Variants in MMP24 observed in about 807,000 individuals in gnomAD.
The protein encoded by MMP24 is matrix metallopeptidase 24.
MMP24 carries 25 observed loss-of-function variants against 62.8 expected under a neutral mutation model. That is an observed-to-expected ratio of 0.40 (90% CI 0.29 to 0.56). The LOEUF (loss-of-function observed/expected upper bound fraction) is 0.56. Ranked by LOEUF, MMP24 falls within the 20% of genes least tolerant of loss-of-function variation. MMP24 has a pLI of 0.50. For synonymous variants in MMP24, 319 were observed against 350.5 expected (o/e 0.91, Z 1.00); for missense variants, 634 against 853.6 (o/e 0.74, Z 3.21).
chr20:35,252,142 C>A, intron 3 of MMP24, 121 bp downstream of exon 3: 1 of 773,582 alleles, frequency 1.3e-6, no homozygotes, highest in Non-Finnish European at 2.2e-6. Context: ...CAACATAGGC[C>A]AAGAGCCAGG....
chr20:35,228,098 T>C (rs1034573861), intron 1 of MMP24, among the ~76,000 whole-genome samples: 2 of 152,222 alleles, frequency 1.3e-5, no homozygotes, highest in African/African-American at 2.4e-5. Flanking sequence ...AGTATATTTG[T>C]TGAAGCAGGC....
At chr20:35,258,197 A>G (rs1052219848) in intron 4 of MMP24, among the ~76,000 whole-genome samples, 2 of 152,200 alleles carry the variant, frequency 1.3e-5, no homozygotes, top group Non-Finnish European at 2.9e-5. Context: ...AGAAAATCTC[A>G]GGCATTCTAA....
intron 1 of MMP24, among the ~76,000 whole-genome samples, chr20:35,242,660 G>A (rs2060494629): frequency 6.6e-6 from 1 of 152,214 alleles, no homozygotes; most frequent in East Asian, 1.9e-4. Flanking sequence ...GAGTGAGAAG[G>A]TGAAGGGTAT....
chr20:35,246,113 G>A (rs1051748365), intron 1 of MMP24, among the ~76,000 whole-genome samples: 1 of 151,872 alleles, frequency 6.6e-6, no homozygotes, highest in African/African-American at 2.4e-5. Context: ...AGACACGGTG[G>A]ATTTCTGGGT....
At chr20:35,254,883 G>C (rs150052933) in intron 4 of MMP24, 129 bp downstream of exon 4, 1 of 1,062,724 alleles carries the variant, frequency 9.4e-7, no homozygotes, top group Non-Finnish European at 1.3e-6. Flanking sequence ...GTAAGAGGGT[G>C]GGAACTGTGA....
Position 35,226,799 on chromosome 20 carries a change from G to A in MMP24, c.61G>A (p.Gly21Ser). The change falls in exon 1 of 9, where the codon GGC (glycine) becomes AGC (serine). Residue 21 changes from glycine (G) to serine (S), a missense_variant. By Grantham distance (56) the Gly-to-Ser change is moderately conservative. This residue lies in a region of MMP24 where 212 missense variants were observed against 259.6 expected (regional missense o/e 0.82). Coordinates refer to ENST00000246186, the MANE Select transcript of MMP24 (RefSeq NM_006690.4). Reference protein sequence around the residue: ...PGPPPPPPPPGQAPRWSRWRV... With the variant: ...PGPPPPPPPPSQAPRWSRWRV... ...GCCGCCGCCGCCGCCGCCGCCGCCGGGCCAGGCCCCGCGCTGGAGCCGCTG... is the reference window on the plus strand; with the variant it reads ...GCCGCCGCCGCCGCCGCCGCCGCCGAGCCAGGCCCCGCGCTGGAGCCGCTG... 1 of 967,944 alleles carries A rather than the reference G, an allele frequency of 1.0e-6. No homozygotes were observed. Among genetic ancestry groups the A allele is most frequent in the Non-Finnish European group, 1.2e-6 (1 of 818,676 alleles). 60.0% of individuals were successfully genotyped at this position (967,944 alleles called of 1,614,324 possible).
chr20:35,263,919 C>G lies in MMP24; in HGVS notation c.946C>G (p.Gln316Glu). The change falls in exon 5 of 9, where the codon CAG becomes GAG. Residue 316 changes from glutamine (Q) to glutamate (E), a missense_variant. Gln to Glu is a conservative substitution (Grantham distance 29). Transcript: ENST00000246186. ...GGAGACGCACAACTTCAAGCTGCCC[C>G]AGGACGATCTCCAGGGCATCCAGAA... is the stretch of plus-strand genomic sequence containing the variant. ...YMETHNFKLP[Q>E]DDLQGIQKIY... The G allele has an allele frequency of 3.7e-6, 6 of 1,612,204 alleles. No individual in the cohort carries two copies. The highest frequency in any genetic ancestry group is 4.2e-6 in the Non-Finnish European group (5 of 1,179,104).
At position 35,267,239 on chromosome 20, in the gene MMP24, A is replaced by C. The variant is rs1368634160; in HGVS notation, c.1014A>C (p.Pro338=). Residue 338 remains proline, a synonymous_variant, in exon 6 of 9, where the codon CCA becomes CCC. Transcript: ENST00000246186. The part of the protein sequence containing the change: ...PPAEPLEPTR[P]LPTLPVRRIH... ...CCGAGCCTCTGGAGCCCACAAGGCCACTCCCTACACTCCCCGTCCGCAGGA... is the reference window on the plus strand; with the variant it reads ...CCGAGCCTCTGGAGCCCACAAGGCCCCTCCCTACACTCCCCGTCCGCAGGA... 1 of 1,602,848 alleles carries C rather than the reference A, an allele frequency of 6.2e-7. No homozygotes were observed. The highest frequency in any genetic ancestry group is 8.5e-7 in the Non-Finnish European group (1 of 1,175,500).
At chr20:35,229,920 C>T (rs1031348726) in intron 1 of MMP24, among the ~76,000 whole-genome samples, 12 of 152,190 alleles carry the variant, frequency 7.9e-5, no homozygotes, top group Admixed American at 3.9e-4. Flanking sequence ...TTTCTTCTCT[C>T]TTCTCCAGGA....
intron 6 of MMP24, 133 bp downstream of exon 6, chr20:35,267,552 G>A: frequency 1.1e-6 from 1 of 922,902 alleles, no homozygotes; most frequent in Admixed American, 2.6e-5. Context: ...TAGCCCAGTG[G>A]CCAGGGCATG....
At chr20:35,260,311 C>A (rs2060595753) in intron 4 of MMP24, among the ~76,000 whole-genome samples, 1 of 152,250 alleles carries the variant, frequency 6.6e-6, no homozygotes, top group Non-Finnish European at 1.5e-5. Context: ...AACCACAGGC[C>A]TCTTTCCTTT....
At chr20:35,268,713 C>T (rs1240357082) in intron 6 of MMP24, among the ~76,000 whole-genome samples, 1 of 152,182 alleles carries the variant, frequency 6.6e-6, no homozygotes, top group Non-Finnish European at 1.5e-5. Flanking sequence ...TTTTATCATC[C>T]CCATTTACAC....
rs542295042 is a variant in MMP24, at chr20:35,234,950, GTAAGGGTTGTTGTGTCATGC to G, written c.246+7970_246+7989del. ...TGGAAAGGTGCATTGGCATCACATT[GTAAGGGTTGTTGTGTCATGC>G]TAAAGAATCTGGACTTTAAGACTGG... On this transcript the variant is annotated intron_variant, in intron 1 of 8. Transcript: ENST00000246186. Among the ~76,000 whole-genome samples the G allele has an allele frequency of 8.5e-5, 13 of 152,330 alleles. No individual in the cohort carries two copies. The East Asian group carries it at 2.5e-3, about 29-fold the overall frequency.
intron 2 of MMP24, among the ~76,000 whole-genome samples, chr20:35,250,430 C>T (rs1381084570): frequency 2.0e-5 from 3 of 151,814 alleles, no homozygotes; most frequent in Admixed American, 6.6e-5. Flanking sequence ...CGTGGTGGTG[C>T]GCGCCTGTAA....
intron 2 of MMP24, among the ~76,000 whole-genome samples, chr20:35,249,945 T>C (rs1023711738): frequency 6.6e-6 from 1 of 151,986 alleles, no homozygotes; most frequent in African/African-American, 2.4e-5. Flanking sequence ...ATCAAACTTT[T>C]TTATTTTATT....
In MMP24 at chr20:35,242,791, C is replaced by T. The variant is rs150784106; in HGVS notation, c.247-4049C>T. ...TCACCCAAGAGAAAGAAGACTTGAC[C>T]GCAAAAGATGAACTGCCCTCCATAG... On this transcript the variant is annotated intron_variant, in intron 1 of 8. Coordinates refer to ENST00000246186, the MANE Select transcript of MMP24 (RefSeq NM_006690.4). Among the ~76,000 whole-genome samples, 1,132 of 152,242 alleles carry T rather than the reference C, an allele frequency of 7.4e-3. 11 individuals are homozygous for T. The highest frequency in any genetic ancestry group is 0.026 in the African/African-American group (1,078 of 41,536).
intron 1 of MMP24, among the ~76,000 whole-genome samples, chr20:35,239,809 A>C (rs1271210918): frequency 6.6e-6 from 1 of 152,162 alleles, no homozygotes; most frequent in African/African-American, 2.4e-5. Context: ...TCAAAAAAAA[A>C]CCAACCAAAC....
chr20:35,237,012 G>C lies in MMP24; in HGVS notation c.247-9828G>C, dbSNP rs567226737. Among the ~76,000 whole-genome samples the C allele has an allele frequency of 2.0e-5, 3 of 151,846 alleles. No individual in the cohort carries two copies. In the South Asian group the frequency reaches 6.2e-4, roughly 32 times the overall value. ...AAAAAAAAATCACTAAGAGCAAGTT[G>C]GTGGGGGAGCTGGGAATGGAGCCAA... On this transcript the variant is annotated intron_variant, in intron 1 of 8. Coordinates refer to ENST00000246186, the MANE Select transcript of MMP24 (RefSeq NM_006690.4).
rs1260377683 is a variant in MMP24 at position 35,269,717 on chromosome 20, A to G, written c.1195-43A>G. 6.4e-7 allele frequency: 1 copy of G among 1,553,804 alleles called. No homozygotes were observed. The highest frequency in any genetic ancestry group is 8.7e-7 in the Non-Finnish European group (1 of 1,148,810). On this transcript the variant is annotated intron_variant, in intron 6 of 8. Transcript: ENST00000246186. The surrounding 1 kb of genome is among the most constrained non-coding windows in gnomAD (Gnocchi z 4.6). ...AGCTGCAATCACTGGGTTCGGAGGCAGGGCCTGACACACCTCTCTCCCCCT... is the reference window on the plus strand; with the variant it reads ...AGCTGCAATCACTGGGTTCGGAGGCGGGGCCTGACACACCTCTCTCCCCCT...
Sources: allele counts gnomAD v4.1 joint callset (sites outside exome capture counted in the v4.1 genomes callset), GRCh38; gene constraint gnomAD v4.1.1; regional missense constraint gnomAD v4.1.1; non-coding constraint Gnocchi (gnomAD v3.1); transcripts MANE v1.5; gene names NCBI Gene and HGNC (gene_info 2026-07-23, HGNC 2026-07-21).